The following SOX5 variants were observed in gnomAD, a reference collection of about 807,000 sequenced individuals.
The protein encoded by SOX5 is SRY-box transcription factor 5.
A neutral mutation model predicts 92.0 loss-of-function variants in SOX5; 9 were observed. That is an observed-to-expected ratio of 0.10 (90% CI 0.06 to 0.17). The LOEUF (loss-of-function observed/expected upper bound fraction) is 0.17, where lower values mean the gene tolerates loss of function less well. SOX5 is among the 10% of genes least tolerant of loss of function. The pLI is 1.00. For missense variants in SOX5, 642 were observed against 944.5 expected, an observed-to-expected ratio of 0.68 and a Z score of 4.20; for synonymous variants, 344 against 336.3, an observed-to-expected ratio of 1.02 and a Z score of -0.25.
intron 2 of SOX5, among the ~76,000 whole-genome samples, chr12:24,320,580 G>A (rs1254295994): frequency 2.0e-5 from 3 of 152,036 alleles, no homozygotes; most frequent in Non-Finnish European, 2.9e-5. Context: ...AAGATCCACT[G>A]TGCGTCTGGG....
chr12:24,180,157 A>G lies in SOX5; in HGVS notation c.-2+33186T>C, dbSNP rs998868037. On this transcript the variant is annotated intron_variant, in intron 4 of 4. Coordinates refer to the SOX5 transcript ENST00000446891. Reference sequence around the variant, plus strand: ...TGTTTTGTACAGATGGGGTCTTATTATGTTGCCCAGGCTGGTCTCAAATTC... The same window carrying G: ...TGTTTTGTACAGATGGGGTCTTATTGTGTTGCCCAGGCTGGTCTCAAATTC... 5.9e-5 allele frequency among the ~76,000 whole-genome samples: 9 copies of G among 152,040 alleles called. No individual in the cohort carries two copies. In the East Asian group the frequency reaches 1.5e-3, roughly 26 times the overall value.
At chr12:24,315,794 C>T (rs138666554) in intron 2 of SOX5, among the ~76,000 whole-genome samples, 365 of 152,324 alleles carry the variant, frequency 2.4e-3, no homozygotes, top group African/African-American at 8.0e-3. Flanking sequence ...CTTGTTGTAA[C>T]TTTCTAGCAC....
chr12:24,521,075 C>A (rs533892097), intron 1 of SOX5, among the ~76,000 whole-genome samples: 1 of 151,936 alleles, frequency 6.6e-6, no homozygotes, highest in African/African-American at 2.4e-5. Flanking sequence ...TTCTTTGAGA[C>A]AAAGTCTCGC....
intron 4 of SOX5, among the ~76,000 whole-genome samples, chr12:24,093,691 C>T (rs1944953752): frequency 7.1e-6 from 1 of 140,176 alleles, no homozygotes; most frequent in Non-Finnish European, 1.5e-5. Flanking sequence ...TTTGGTTGTC[C>T]TTTTTTTTTT....
intron 4 of SOX5, among the ~76,000 whole-genome samples, chr12:24,031,755 A>C (rs930073134): frequency 6.6e-6 from 1 of 151,842 alleles, no homozygotes. Context: ...CATGAAAAAA[A>C]AAATAAAAGA....
chr12:24,248,249 T>C (rs1277757390), intron 3 of SOX5, among the ~76,000 whole-genome samples: 6 of 152,124 alleles, frequency 3.9e-5, no homozygotes, highest in African/African-American at 1.4e-4. Flanking sequence ...GTAATTTGCC[T>C]TTGGAGGGAA....
At chr12:24,170,443 G>A (rs1421930846) in intron 4 of SOX5, among the ~76,000 whole-genome samples, 3 of 152,098 alleles carry the variant, frequency 2.0e-5, no homozygotes, top group South Asian at 2.1e-4. Context: ...TGCTCTTCTC[G>A]ATAAGGAAAA....
At chr12:24,323,498 GCT>G (rs1491442476) in intron 2 of SOX5, among the ~76,000 whole-genome samples, 5 of 151,714 alleles carry the variant, frequency 3.3e-5, no homozygotes, top group African/African-American at 9.7e-5. Flanking sequence ...AAAAAAAGCA[GCT>G]TTTTTATAAT....
intron 2 of SOX5, among the ~76,000 whole-genome samples, chr12:24,350,314 T>TGTTC (rs1953911599): frequency 6.6e-6 from 1 of 152,162 alleles, no homozygotes; most frequent in Non-Finnish European, 1.5e-5. Flanking sequence ...TTTGTTTGTT[T>TGTTC]GTTCTGTTTT....
intron 1 of SOX5, among the ~76,000 whole-genome samples, chr12:24,493,218 C>A (rs550120942): frequency 6.6e-6 from 1 of 151,994 alleles, no homozygotes; most frequent in Non-Finnish European, 1.5e-5. Flanking sequence ...TTTTCTACTG[C>A]GCAAATTTGA....
At chr12:23,901,922 G>A (rs2078888695) in intron 1 of SOX5, among the ~76,000 whole-genome samples, 1 of 152,132 alleles carries the variant, frequency 6.6e-6, no homozygotes, top group African/African-American at 2.4e-5. Flanking sequence ...AGAAAATAGA[G>A]TTCAATAACA....
intron 4 of SOX5, among the ~76,000 whole-genome samples, chr12:23,744,764 T>C (rs2093923972): frequency 6.6e-6 from 1 of 152,166 alleles, no homozygotes; most frequent in Non-Finnish European, 1.5e-5. Flanking sequence ...CAATAATATT[T>C]CAGTATTAGT....
chr12:24,116,164 C>CCTA (rs1422911309), intron 4 of SOX5, among the ~76,000 whole-genome samples: 3 of 152,062 alleles, frequency 2.0e-5, no homozygotes, highest in Non-Finnish European at 4.4e-5. Context: ...GCCTTAAATA[C>CCTA]CTAAATTTCA....
intron 4 of SOX5, among the ~76,000 whole-genome samples, chr12:24,162,604 C>A (rs1952883767): frequency 1.3e-5 from 2 of 152,096 alleles, no homozygotes; most frequent in African/African-American, 4.8e-5. Context: ...AAAACCGTGG[C>A]TTACAATTCC....
chr12:23,653,033 T>TGGAC (rs2081849626), intron 7 of SOX5, among the ~76,000 whole-genome samples: 6 of 88,332 alleles, frequency 6.8e-5, no homozygotes, highest in African/African-American at 2.4e-4. Flanking sequence ...TACAGATAGA[T>TGGAC]GGATGGATGG....
chr12:24,035,347 C>A (rs1955919411), intron 4 of SOX5, among the ~76,000 whole-genome samples: 1 of 152,212 alleles, frequency 6.6e-6, no homozygotes, highest in East Asian at 1.9e-4. Flanking sequence ...TCTATATACA[C>A]ACAGTAGGCA....
chr12:24,212,268 T>C (rs1777906044), intron 4 of SOX5, among the ~76,000 whole-genome samples: 1 of 152,222 alleles, frequency 6.6e-6, no homozygotes, highest in Admixed American at 6.5e-5. Flanking sequence ...CTAATGTTCA[T>C]GCTAAAACAT....
intron 1 of SOX5, among the ~76,000 whole-genome samples, chr12:24,416,212 A>C (rs1964990012): frequency 6.6e-6 from 1 of 152,214 alleles, no homozygotes; most frequent in South Asian, 2.1e-4. Flanking sequence ...TTTTCATCTC[A>C]GGAGCTCTAA....
At position 24,393,573 on chromosome 12, in the gene SOX5, A is replaced by T. The variant is rs1260688991; in HGVS notation, c.-250-24934T>A. On this transcript the variant is annotated intron_variant, in intron 1 of 4. Coordinates refer to the SOX5 transcript ENST00000446891. The surrounding 1 kb of genome is among the most constrained non-coding windows in gnomAD (Gnocchi z 5.0). ...TAGAAATTTACTGTGAAAAACTTAC[A>T]ATAAAAACATTAAGTAACTAAGCAA... Among the ~76,000 whole-genome samples, 2 of 152,206 alleles carry T rather than the reference A, an allele frequency of 1.3e-5. No homozygotes were observed. The highest frequency in any genetic ancestry group is 2.4e-5 in the African/African-American group (1 of 41,420).
Sources: gnomAD v4.1 joint callset for allele counts (sites outside exome capture counted in the v4.1 genomes callset) on GRCh38, gnomAD v4.1.1 for gene constraint, Gnocchi (gnomAD v3.1) non-coding constraint, MANE v1.5 for transcripts, NCBI Gene and HGNC (gene_info 2026-07-23, HGNC 2026-07-21) for gene names.